Variants in ATP6V0E1 observed in about 807,000 individuals in gnomAD.
ATP6V0E1 encodes ATPase H+ transporting V0 subunit e1.
In ATP6V0E1, 4 loss-of-function variants were observed where a neutral mutation model predicts 11.6. That is an observed-to-expected ratio of 0.35 (90% CI 0.17 to 0.79). The LOEUF (loss-of-function observed/expected upper bound fraction) is 0.79. Ranked by LOEUF, ATP6V0E1 falls within the 30% of genes least tolerant of loss-of-function variation. ATP6V0E1 has a pLI of 0.54. For synonymous variants in ATP6V0E1, 36 were observed against 34.8 expected, an observed-to-expected ratio of 1.04 and a Z score of -0.13; for missense variants, 105 against 100.0, an observed-to-expected ratio of 1.05 and a Z score of -0.21.
rs980453774 is a variant in ATP6V0E1, at chr5:172,983,806, C to T, written c.-55C>T. On this transcript the variant is annotated 5_prime_UTR_variant, in exon 1 of 4. Coordinates refer to ENST00000519374, the MANE Select transcript of ATP6V0E1 (RefSeq NM_003945.4). ...GTCACGCGGTCAGCTATTGACACTT[C>T]CTGGTGGGATCCGAGTGAGGCGACG... The T allele has an allele frequency of 4.8e-5, 74 of 1,549,698 alleles. No individual in the cohort carries two copies. The highest frequency in any genetic ancestry group is 6.1e-5 in the Non-Finnish European group (68 of 1,123,746).
At chr5:173,007,904 G>A (rs949613323) in intron 2 of ATP6V0E1, among the ~76,000 whole-genome samples, 1 of 152,160 alleles carries the variant, frequency 6.6e-6, no homozygotes, top group Non-Finnish European at 1.5e-5. Context: ...GTCCCCATAC[G>A]AGCAGGAGGC....
chr5:172,992,136 C>T (rs1171758754), intron 1 of ATP6V0E1, among the ~76,000 whole-genome samples: 2 of 151,892 alleles, frequency 1.3e-5, no homozygotes, highest in Non-Finnish European at 2.9e-5. Context: ...CTGCAAGCTC[C>T]GCCTCCCGGG....
intron 2 of ATP6V0E1, 132 bp from the exon 3 acceptor site, chr5:173,020,106 T>C (rs1756456966): frequency 3.0e-6 from 2 of 674,374 alleles, no homozygotes; most frequent in Non-Finnish European, 5.3e-6. Flanking sequence ...GTTAACACAA[T>C]GTATATGGAA....
intron 1 of ATP6V0E1, among the ~76,000 whole-genome samples, chr5:172,985,089 C>G (rs1218024893): frequency 6.6e-6 from 1 of 151,850 alleles, no homozygotes; most frequent in African/African-American, 2.4e-5. Context: ...ACTAAAAACA[C>G]AAAAAATTAG....
intron 2 of ATP6V0E1, among the ~76,000 whole-genome samples, chr5:173,017,533 TA>T (rs750496072): frequency 0.012 from 765 of 62,826 alleles, 5 homozygotes; most frequent in African/African-American, 0.024. Flanking sequence ...AGACTTCGTC[TA>T]AAAAAAAAAA....
At chr5:172,986,712 C>T in intron 1 of ATP6V0E1, 1 of 453,536 alleles carries the variant, frequency 2.2e-6, no homozygotes, top group Non-Finnish European at 4.4e-6. Flanking sequence ...GGAAGAAGCC[C>T]CTGAAACAGC....
chr5:173,023,296 T>G (rs1009174343), intron 3 of ATP6V0E1, among the ~76,000 whole-genome samples: 1 of 152,174 alleles, frequency 6.6e-6, no homozygotes, highest in South Asian at 2.1e-4. Flanking sequence ...TGAATTCAAG[T>G]GATTCTTCTG....
intron 3 of ATP6V0E1, among the ~76,000 whole-genome samples, chr5:173,032,555 T>A (rs1229520182): frequency 1.3e-5 from 2 of 152,092 alleles, no homozygotes; most frequent in African/African-American, 4.8e-5. Flanking sequence ...CCTCCCAAAG[T>A]GCTGGGATTA....
At chr5:173,023,841 T>C (rs1756518183) in intron 3 of ATP6V0E1, among the ~76,000 whole-genome samples, 1 of 151,654 alleles carries the variant, frequency 6.6e-6, no homozygotes, top group South Asian at 2.1e-4. Context: ...CAAGACTCTG[T>C]CTCAAAAAAC....
intron 1 of ATP6V0E1, among the ~76,000 whole-genome samples, chr5:172,993,520 A>G (rs1756015089): frequency 6.6e-6 from 1 of 151,788 alleles, no homozygotes; most frequent in Non-Finnish European, 1.5e-5. Flanking sequence ...AACAAAAAAG[A>G]CACACAGAAC....
chr5:172,987,474 G>A (rs2113576388), intron 1 of ATP6V0E1, among the ~76,000 whole-genome samples: 1 of 152,054 alleles, frequency 6.6e-6, no homozygotes, highest in South Asian at 2.1e-4. Flanking sequence ...AGTAGAGAAG[G>A]GGTTTCACCA....
intron 3 of ATP6V0E1, 52 bp from the exon 4 acceptor site, chr5:173,034,347 C>T: frequency 1.4e-6 from 1 of 700,022 alleles, no homozygotes; most frequent in African/African-American, 1.7e-5. Flanking sequence ...TAACTTTTTG[C>T]CTTCCTGAGG....
At chr5:173,011,372 C>T (rs754090762) in intron 2 of ATP6V0E1, among the ~76,000 whole-genome samples, 2 of 151,716 alleles carry the variant, frequency 1.3e-5, no homozygotes, top group Non-Finnish European at 2.9e-5. Context: ...TTTATAGAGA[C>T]GGGGTCTCGC....
At chr5:173,030,888 A>G (rs969938316) in intron 3 of ATP6V0E1, among the ~76,000 whole-genome samples, 3 of 152,058 alleles carry the variant, frequency 2.0e-5, no homozygotes, top group Admixed American at 6.6e-5. Flanking sequence ...AGCTGGGACT[A>G]CAGGCATGCA....
chr5:173,008,066 C>G (rs909213409), intron 2 of ATP6V0E1, among the ~76,000 whole-genome samples: 1 of 152,190 alleles, frequency 6.6e-6, no homozygotes. Flanking sequence ...ACCCACTCCG[C>G]GACCTCCGGC....
At chr5:173,029,835 T>TCCAG (rs1756622780) in intron 3 of ATP6V0E1, among the ~76,000 whole-genome samples, 1 of 152,152 alleles carries the variant, frequency 6.6e-6, no homozygotes, top group Non-Finnish European at 1.5e-5. Context: ...GCAGGTCATG[T>TCCAG]CCAGCTCTGA....
chr5:173,028,090 G>T (rs1353096398), intron 3 of ATP6V0E1, among the ~76,000 whole-genome samples: 1 of 152,056 alleles, frequency 6.6e-6, no homozygotes, highest in Non-Finnish European at 1.5e-5. Context: ...CACACACTCG[G>T]GCTCCTTGAA....
chr5:173,017,019 T>C (rs1756409768), intron 2 of ATP6V0E1, among the ~76,000 whole-genome samples: 2 of 152,182 alleles, frequency 1.3e-5, no homozygotes, highest in Admixed American at 6.6e-5. Context: ...GCTTCTGATA[T>C]GGTGCTGGCT....
chr5:173,032,571 GT>G (rs1756681760), intron 3 of ATP6V0E1, among the ~76,000 whole-genome samples: 1 of 152,028 alleles, frequency 6.6e-6, no homozygotes, highest in South Asian at 2.1e-4. Flanking sequence ...GATTACAGAC[GT>G]GAGCCACTGT....
Sources: allele counts gnomAD v4.1 joint callset (sites outside exome capture counted in the v4.1 genomes callset), GRCh38; gene constraint gnomAD v4.1.1; transcripts MANE v1.5; gene names NCBI Gene and HGNC (gene_info 2026-07-23, HGNC 2026-07-21).